Variants in GUCY1A2 observed in about 807,000 individuals in gnomAD.
GUCY1A2 encodes the protein guanylate cyclase 1 soluble subunit alpha 2, also known as guanylate cyclase soluble subunit alpha-2.
In GUCY1A2, 27 loss-of-function variants were observed where a neutral mutation model predicts 63.5. The ratio of observed to expected loss-of-function variants is 0.43; its 90% CI spans 0.31 to 0.59. The LOEUF (loss-of-function observed/expected upper bound fraction) is 0.59. Ranked by LOEUF, GUCY1A2 falls within the 20% of genes least tolerant of loss-of-function variation. GUCY1A2 has a pLI of 0.11. For synonymous variants in GUCY1A2, 364 were observed against 343.5 expected, an observed-to-expected ratio of 1.06 and a Z score of -0.66; for missense variants, 768 against 913.3, an observed-to-expected ratio of 0.84 and a Z score of 2.05.
At chr11:106,810,514 T>C in intron 4 of GUCY1A2, 36 bp from the exon 5 acceptor site, 2 of 1,522,172 alleles carry the variant, frequency 1.3e-6, no homozygotes, top group African/African-American at 1.4e-5. Flanking sequence ...TCAGTACTCT[T>C]CACATAGTAG....
chr11:106,848,457 C>T (rs909775605), intron 4 of GUCY1A2, among the ~76,000 whole-genome samples: 1 of 151,606 alleles, frequency 6.6e-6, no homozygotes, highest in African/African-American at 2.4e-5. Flanking sequence ...CCAAGATACA[C>T]ATTTGTTATA....
At chr11:106,857,984 T>C (rs1361226021) in intron 4 of GUCY1A2, among the ~76,000 whole-genome samples, 1 of 152,146 alleles carries the variant, frequency 6.6e-6, no homozygotes, top group African/African-American at 2.4e-5. Context: ...GGAAAAAATA[T>C]ATGATATAAA....
intron 4 of GUCY1A2, 24 bp downstream of exon 4, chr11:106,939,436 C>T: frequency 8.7e-7 from 1 of 1,151,568 alleles, no homozygotes; most frequent in South Asian, 1.3e-5. Context: ...GTTCCCATCA[C>T]CATCTCAAGT....
Position 106,978,723 on chromosome 11 carries a change from T to C in GUCY1A2, c.383A>G (p.Lys128Arg), listed in dbSNP as rs1861295302. 1 of 1,596,600 alleles carries C rather than the reference T, an allele frequency of 6.3e-7. No homozygotes were observed. The highest frequency in any genetic ancestry group is 1.4e-5 in the African/African-American group (1 of 74,010). ...TCTGTTAGAGATATTGTGGAAATTC[T>C]TTTCTGCATCCCTGTAACTAAGAAG... ...HQVIGYRDAE[K>R]NFHNISNRCS... The change falls in exon 3 of 8, where the codon AAG (lysine) becomes AGG (arginine). Residue 128 changes from lysine to arginine, a missense_variant. Physicochemically the swap from Lys to Arg is conservative, Grantham distance 26 (BLOSUM62 2). This residue lies in a region of GUCY1A2 where 496 missense variants were observed against 486.9 expected (regional missense o/e 1.02). Coordinates refer to ENST00000526355, the MANE Select transcript of GUCY1A2 (RefSeq NM_000855.3).
Position 106,864,040 on chromosome 11 carries a change from G to A in GUCY1A2, c.1207-53562C>T, listed in dbSNP as rs544285578. Among the ~76,000 whole-genome samples the A allele has an allele frequency of 2.0e-5, 3 of 151,752 alleles. No homozygotes were observed. The South Asian group carries it at 6.3e-4, about 32-fold the overall frequency. ...GGAGATTTTGGGCATCTTTGAGACAGGGCATCACACACCCTGCCTGTCGGG... is the reference window on the plus strand; with the variant it reads ...GGAGATTTTGGGCATCTTTGAGACAAGGCATCACACACCCTGCCTGTCGGG... On this transcript the variant is annotated intron_variant, in intron 4 of 7. Transcript: ENST00000526355.
chr11:106,938,618 T>C lies in GUCY1A2; in HGVS notation c.1206+842A>G, dbSNP rs77591012. Among the ~76,000 whole-genome samples the C allele has an allele frequency of 7.1e-3, 1,083 of 152,316 alleles. 15 individuals carry two copies. The highest frequency in any genetic ancestry group is 0.024 in the African/African-American group (1,018 of 41,574). On this transcript the variant is annotated intron_variant, in intron 4 of 7. Transcript: ENST00000526355. The stretch of plus-strand genomic sequence containing the variant: ...CAAATTTCTGTCCTGGAAATTAATG[T>C]TGTTTTTCCGTTTAATCACTGAAAG...
At chr11:107,008,005 T>C (rs1861694882) in intron 1 of GUCY1A2, among the ~76,000 whole-genome samples, 1 of 149,760 alleles carries the variant, frequency 6.7e-6, no homozygotes, top group Non-Finnish European at 1.5e-5. Context: ...CTATCCGGCC[T>C]GGTGCGGTGG....
chr11:106,950,709 G>A (rs1045160843), intron 3 of GUCY1A2, among the ~76,000 whole-genome samples: 9 of 152,164 alleles, frequency 5.9e-5, no homozygotes, highest in Admixed American at 5.9e-4. Context: ...CACATGGACC[G>A]ATCCTCGGAG....
intron 5 of GUCY1A2, among the ~76,000 whole-genome samples, chr11:106,801,407 A>G (rs1017140051): frequency 6.6e-6 from 1 of 152,102 alleles, no homozygotes; most frequent in African/African-American, 2.4e-5. Flanking sequence ...TGATAAATGA[A>G]TATCTCATTT....
chr11:106,850,323 C>G (rs758412569), intron 4 of GUCY1A2, among the ~76,000 whole-genome samples: 1 of 151,742 alleles, frequency 6.6e-6, no homozygotes, highest in Non-Finnish European at 1.5e-5. Context: ...TCAATCACCT[C>G]AAACATTTAT....
chr11:106,868,837 C>T (rs1314255522), intron 4 of GUCY1A2, among the ~76,000 whole-genome samples: 2 of 152,094 alleles, frequency 1.3e-5, no homozygotes, highest in Admixed American at 6.6e-5. Context: ...GGAGGCATCA[C>T]GCTATCTGAC....
intron 4 of GUCY1A2, among the ~76,000 whole-genome samples, chr11:106,938,895 C>T (rs1460738325): frequency 2.6e-5 from 4 of 152,130 alleles, no homozygotes; most frequent in Non-Finnish European, 5.9e-5. Context: ...AGATCATGTT[C>T]TAAAGCAATG....
chr11:106,871,070 A>T (rs945154191), intron 4 of GUCY1A2, among the ~76,000 whole-genome samples: 19 of 146,658 alleles, frequency 1.3e-4, no homozygotes, highest in Non-Finnish European at 2.5e-4. Context: ...ATTAGCAACT[A>T]ATAAACAATT....
At chr11:106,963,917 CTT>C (rs2120071447) in intron 3 of GUCY1A2, among the ~76,000 whole-genome samples, 1 of 152,222 alleles carries the variant, frequency 6.6e-6, no homozygotes, top group East Asian at 1.9e-4. Context: ...TAAGTTTAAA[CTT>C]AGAGAAAAGT....
chr11:106,872,786 T>C (rs553761862), intron 4 of GUCY1A2, among the ~76,000 whole-genome samples: 2 of 152,246 alleles, frequency 1.3e-5, no homozygotes, highest in South Asian at 4.2e-4. Context: ...AAAGCTGTTC[T>C]TTTTTTTCTT....
At chr11:106,768,390 A>C (rs1467958983) in intron 6 of GUCY1A2, among the ~76,000 whole-genome samples, 1 of 152,166 alleles carries the variant, frequency 6.6e-6, no homozygotes, top group Non-Finnish European at 1.5e-5. Flanking sequence ...TTCAAAGAGG[A>C]CATCTAACAT....
intron 3 of GUCY1A2, among the ~76,000 whole-genome samples, chr11:106,963,166 G>C (rs1861082075): frequency 6.6e-6 from 1 of 152,110 alleles, no homozygotes; most frequent in Non-Finnish European, 1.5e-5. Flanking sequence ...GACAGGCCAT[G>C]AAAAATGATG....
chr11:106,888,332 G>A (rs1859927335), intron 4 of GUCY1A2, among the ~76,000 whole-genome samples: 1 of 151,860 alleles, frequency 6.6e-6, no homozygotes, highest in Non-Finnish European at 1.5e-5. Flanking sequence ...GGGCGTGGTG[G>A]CGGGTGCCTG....
chr11:106,909,732 C>A (rs901837022), intron 4 of GUCY1A2, among the ~76,000 whole-genome samples: 2 of 151,968 alleles, frequency 1.3e-5, no homozygotes, highest in Non-Finnish European at 2.9e-5. Context: ...GGATGTAACA[C>A]AGGCTGTTTA....
Sources: allele counts gnomAD v4.1 joint callset (sites outside exome capture counted in the v4.1 genomes callset), GRCh38; gene constraint gnomAD v4.1.1; regional missense constraint gnomAD v4.1.1; transcripts MANE v1.5; gene names NCBI Gene and HGNC (gene_info 2026-07-23, HGNC 2026-07-21).